The following SLC35F3 variants were observed in gnomAD, a reference collection of about 807,000 sequenced individuals.
The protein encoded by SLC35F3 is putative thiamine transporter SLC35F3.
In SLC35F3, 25 loss-of-function variants were observed where a neutral mutation model predicts 49.9. The ratio of observed to expected loss-of-function variants is 0.50; its 90% CI spans 0.37 to 0.70. The LOEUF is 0.70. Among genes scored for constraint, SLC35F3 ranks in the 30% least tolerant of loss-of-function variants. The pLI, the probability that SLC35F3 is intolerant of heterozygous loss-of-function variation, is 0.00. For missense variants in SLC35F3, 525 were observed against 639.8 expected (o/e 0.82, Z 1.94); for synonymous variants, 275 against 265.4 (o/e 1.04, Z -0.35).
At chr1:234,032,655 A>G (rs111558305) in intron 2 of SLC35F3, among the ~76,000 whole-genome samples, 11,695 of 152,246 alleles carry the variant, frequency 0.077, 1,207 homozygotes, top group African/African-American at 0.24. Flanking sequence ...ATGGTCTCCA[A>G]TTCCATCCAA....
intron 2 of SLC35F3, among the ~76,000 whole-genome samples, chr1:234,187,457 A>G (rs1377093196): frequency 6.6e-6 from 1 of 152,206 alleles, no homozygotes; most frequent in Non-Finnish European, 1.5e-5. Flanking sequence ...GCATGTCGGG[A>G]GTCACATTGT....
At chr1:234,227,294 T>C (rs1667300380) in intron 2 of SLC35F3, among the ~76,000 whole-genome samples, 3 of 152,104 alleles carry the variant, frequency 2.0e-5, no homozygotes, top group South Asian at 2.1e-4. Flanking sequence ...ACATAAATAG[T>C]ATTTCTAGTT....
chr1:233,954,364 G>T (rs1346866306), intron 2 of SLC35F3, among the ~76,000 whole-genome samples: 3 of 152,184 alleles, frequency 2.0e-5, no homozygotes, highest in Non-Finnish European at 4.4e-5. Flanking sequence ...TGCCAGAAAG[G>T]GGTGGGGGTG....
At chr1:233,983,930 G>A (rs1177453157) in intron 2 of SLC35F3, among the ~76,000 whole-genome samples, 6 of 152,140 alleles carry the variant, frequency 3.9e-5, no homozygotes, top group African/African-American at 1.2e-4. Flanking sequence ...AAGATACAAC[G>A]TTCTAATCAA....
At chr1:234,002,382 G>T (rs1246105285) in intron 2 of SLC35F3, among the ~76,000 whole-genome samples, 1 of 152,116 alleles carries the variant, frequency 6.6e-6, no homozygotes, top group African/African-American at 2.4e-5. Flanking sequence ...TGTCCCCTTA[G>T]ATTCCTCTGA....
chr1:234,178,150 C>T (rs982321766), intron 2 of SLC35F3, among the ~76,000 whole-genome samples: 1 of 152,102 alleles, frequency 6.6e-6, no homozygotes, highest in Non-Finnish European at 1.5e-5. Flanking sequence ...CCAGTTGCCT[C>T]CTCTGAAAGA....
intron 2 of SLC35F3, among the ~76,000 whole-genome samples, chr1:234,007,272 G>C (rs1236189042): frequency 6.6e-6 from 1 of 152,202 alleles, no homozygotes; most frequent in Non-Finnish European, 1.5e-5. Flanking sequence ...TTGGAGTGCT[G>C]AGTGAATGAG....
chr1:234,214,773 C>T lies in SLC35F3; in HGVS notation c.284-16644C>T. On this transcript the variant is annotated intron_variant, in intron 2 of 7. Coordinates refer to ENST00000366618, the MANE Select transcript of SLC35F3 (RefSeq NM_173508.4). This position sits in a 1 kb window ranked among gnomAD's most constrained non-coding sequence, Gnocchi z 8.0. ...GGGCTGCCCTGAGCTCCCTGGCGAG[C>T]AGGAGTGAGCTGCTGCGGCGAGTGA... 1 of 641,278 alleles carries T rather than the reference C, an allele frequency of 1.6e-6. No homozygotes were observed. 39.7% of individuals were successfully genotyped at this position (641,278 alleles called of 1,614,324 possible). A position where few individuals can be genotyped will look rare whatever the true frequency, so the allele number is the denominator to read the frequency against.
At chr1:234,062,390 G>C (rs552501408) in intron 2 of SLC35F3, among the ~76,000 whole-genome samples, 2 of 152,180 alleles carry the variant, frequency 1.3e-5, no homozygotes, top group Admixed American at 6.5e-5. Context: ...TGTCCTGGGG[G>C]CATAAATTGT....
rs934128430 is a variant in SLC35F3 at position 234,035,682 on chromosome 1, C to T, written c.283+129924C>T. ...TTGTGCTTTTACTCCACTTTCTAAG[C>T]TCCTTAGATTTGTTTTACAACCCTT... On this transcript the variant is annotated intron_variant, in intron 2 of 7. Coordinates refer to ENST00000366618, the MANE Select transcript of SLC35F3 (RefSeq NM_173508.4). 3.3e-5 allele frequency among the ~76,000 whole-genome samples: 5 copies of T among 152,092 alleles called. No homozygotes were observed. In the South Asian group the frequency reaches 1.0e-3, roughly 31 times the overall value.
chr1:234,053,762 T>G (rs940825517), intron 2 of SLC35F3, among the ~76,000 whole-genome samples: 2 of 152,226 alleles, frequency 1.3e-5, no homozygotes, highest in African/African-American at 4.8e-5. Flanking sequence ...TTTGGCATGT[T>G]TTTGCAGTGG....
At chr1:234,098,817 G>A (rs985540680) in intron 2 of SLC35F3, among the ~76,000 whole-genome samples, 1 of 147,984 alleles carries the variant, frequency 6.8e-6, no homozygotes, top group Non-Finnish European at 1.5e-5. Context: ...GTGTTATAGG[G>A]TCATGATGGA....
At chr1:233,940,351 G>GACACAC (rs1169931370) in intron 2 of SLC35F3, among the ~76,000 whole-genome samples, 1 of 131,642 alleles carries the variant, frequency 7.6e-6, no homozygotes, top group Non-Finnish European at 1.6e-5. Flanking sequence ...AAGGGATACA[G>GACACAC]ACACACACAC....
intron 2 of SLC35F3, among the ~76,000 whole-genome samples, chr1:234,025,868 TAA>T (rs1268797633): frequency 8.9e-5 from 12 of 134,448 alleles, no homozygotes; most frequent in South Asian, 2.4e-4. Flanking sequence ...AACTTAACCA[TAA>T]ATTATTTGCC....
chr1:234,159,959 C>T (rs1666203365), intron 2 of SLC35F3, among the ~76,000 whole-genome samples: 1 of 152,142 alleles, frequency 6.6e-6, no homozygotes, highest in Non-Finnish European at 1.5e-5. Context: ...TGCCAAAGAC[C>T]TACTTGAGGA....
intron 2 of SLC35F3, among the ~76,000 whole-genome samples, chr1:233,932,202 A>AG (rs530059701): frequency 5.9e-5 from 9 of 152,152 alleles, no homozygotes; most frequent in Non-Finnish European, 1.2e-4. Context: ...TGTAGATGAC[A>AG]GGTTGATGAG....
At chr1:234,229,990 G>A (rs1192846389) in intron 2 of SLC35F3, among the ~76,000 whole-genome samples, 1 of 152,220 alleles carries the variant, frequency 6.6e-6, no homozygotes, top group African/African-American at 2.4e-5. Flanking sequence ...CAGACGGCTT[G>A]TCAGAAGCTC....
chr1:234,259,245 C>A (rs1176803738), intron 3 of SLC35F3, among the ~76,000 whole-genome samples: 3 of 152,234 alleles, frequency 2.0e-5, no homozygotes, highest in African/African-American at 7.2e-5. Flanking sequence ...AAAAGACCTT[C>A]TATTCGTACA....
In SLC35F3 at chr1:234,231,293, C is replaced by G. The variant is rs1667365727; in HGVS notation, c.284-124C>G. 2.5e-6 allele frequency: 2 copies of G among 804,340 alleles called. No homozygotes were observed. Among genetic ancestry groups the G allele is most frequent in the Admixed American group, 3.1e-5 (1 of 32,602 alleles). 49.8% of individuals were successfully genotyped at this position (804,340 alleles called of 1,614,324 possible). ...CACACAGCCGCCCTGGAAGCCGCCC[C>G]TGCACCCGCTATCTCCCCGGGCCCC... is the stretch of plus-strand genomic sequence containing the variant. On this transcript the variant is annotated intron_variant, in intron 2 of 7. Transcript: ENST00000366618. The surrounding 1 kb of genome is among the most constrained non-coding windows in gnomAD (Gnocchi z 5.4).
Sources: allele counts gnomAD v4.1 joint callset (sites outside exome capture counted in the v4.1 genomes callset), GRCh38; gene constraint gnomAD v4.1.1; non-coding constraint Gnocchi (gnomAD v3.1); transcripts MANE v1.5; gene names NCBI Gene and HGNC (gene_info 2026-07-23, HGNC 2026-07-21).